Variants in DAB2IP observed in about 807,000 individuals in gnomAD.
DAB2IP encodes DAB2 interacting protein.
DAB2IP carries 28 observed loss-of-function variants against 107.2 expected under a neutral mutation model. The observed-to-expected ratio is 0.26, with a 90% CI of 0.19 to 0.36. The LOEUF (loss-of-function observed/expected upper bound fraction) is 0.36. DAB2IP is among the 10% of genes least tolerant of loss of function. The pLI, the probability that DAB2IP is intolerant of heterozygous loss-of-function variation, is 1.00. For synonymous variants in DAB2IP, 755 were observed against 706.4 expected (o/e 1.07, Z -1.09); for missense variants, 1,400 against 1,644.7 (o/e 0.85, Z 2.57).
At chr9:121,713,806 G>A (rs1187009116) in intron 3 of DAB2IP, among the ~76,000 whole-genome samples, 1 of 152,208 alleles carries the variant, frequency 6.6e-6, no homozygotes, top group African/African-American at 2.4e-5. Context: ...CATACACCAT[G>A]AAAGGTACTG....
intron 1 of DAB2IP, among the ~76,000 whole-genome samples, chr9:121,586,991 G>A (rs980299847): frequency 6.6e-6 from 1 of 152,220 alleles, no homozygotes; most frequent in East Asian, 1.9e-4. Flanking sequence ...CCCACTGGGT[G>A]CCAGGCAGTG....
At position 121,579,634 on chromosome 9, in the gene DAB2IP, C is replaced by T. The variant is rs780687211; in HGVS notation, c.40+12406C>T. On this transcript the variant is annotated intron_variant, in intron 1 of 16. Coordinates refer to the DAB2IP transcript ENST00000259371. ...TACCCTCCTCCTCTGTGCACCTGACCGGTTCTGCTCAGGGCTCTGGGGGCA... is the reference window on the plus strand; with the variant it reads ...TACCCTCCTCCTCTGTGCACCTGACTGGTTCTGCTCAGGGCTCTGGGGGCA... Among the ~76,000 whole-genome samples the T allele has an allele frequency of 6.6e-5, 10 of 152,132 alleles. 1 individual carries two copies. The highest frequency in any genetic ancestry group is 1.3e-4 in the Non-Finnish European group (9 of 68,028).
exon 9 of DAB2IP, chr9:121,766,689 C>G (rs778305110): frequency 2.5e-6 from 4 of 1,614,150 alleles, no homozygotes; most frequent in Non-Finnish European, 2.5e-6. Context: ...GCACCCTCAC[C>G]CTCATCGCCA....
intron 1 of DAB2IP, among the ~76,000 whole-genome samples, chr9:121,594,484 G>A (rs528503362): frequency 3.3e-5 from 5 of 152,198 alleles, no homozygotes; most frequent in African/African-American, 4.8e-5. Context: ...TGATCTACCC[G>A]CCTCGGCCTC....
At chr9:121,644,041 C>T (rs1217396518) in intron 1 of DAB2IP, among the ~76,000 whole-genome samples, 3 of 152,192 alleles carry the variant, frequency 2.0e-5, no homozygotes, top group Non-Finnish European at 2.9e-5. Context: ...TGGTGGCACA[C>T]ACGCCTGTAG....
intron 1 of DAB2IP, among the ~76,000 whole-genome samples, chr9:121,661,741 G>A (rs550235450): frequency 6.6e-6 from 1 of 152,320 alleles, no homozygotes; most frequent in East Asian, 1.9e-4. Flanking sequence ...CCAACACTTT[G>A]GGAGGCCAAG....
intron 11 of DAB2IP, among the ~76,000 whole-genome samples, 157 bp downstream of exon 11, chr9:121,770,881 A>C (rs540671659): frequency 1.8e-4 from 28 of 152,304 alleles, no homozygotes; most frequent in Non-Finnish European, 3.7e-4. Context: ...GTGAACCTCC[A>C]TTTGGGAAAA....
At chr9:121,580,791 A>AT (rs1375712558) in intron 1 of DAB2IP, among the ~76,000 whole-genome samples, 2 of 151,946 alleles carry the variant, frequency 1.3e-5, no homozygotes, top group Non-Finnish European at 2.9e-5. Context: ...CGCCCAGCTA[A>AT]TTTTTTTGTA....
exon 11 of DAB2IP, chr9:121,770,659 G>C: frequency 6.2e-7 from 1 of 1,614,160 alleles, no homozygotes; most frequent in Non-Finnish European, 8.5e-7. Context: ...CCTCCACACC[G>C]GGCTCTGGCA....
intron 1 of DAB2IP, among the ~76,000 whole-genome samples, chr9:121,583,109 C>T (rs560407156): frequency 5.3e-5 from 8 of 152,330 alleles, no homozygotes; most frequent in African/African-American, 1.9e-4. Context: ...AGAAGCTGGC[C>T]GGCCGCGGTG....
At chr9:121,693,167 G>T (rs543351342) in intron 2 of DAB2IP, among the ~76,000 whole-genome samples, 1 of 152,324 alleles carries the variant, frequency 6.6e-6, no homozygotes, top group South Asian at 2.1e-4. Context: ...AGGAGCAGGG[G>T]ACCCAGGTTC....
chr9:121,748,622 G>A (rs1187997012), intron 3 of DAB2IP, among the ~76,000 whole-genome samples: 1 of 152,238 alleles, frequency 6.6e-6, no homozygotes, highest in African/African-American at 2.4e-5. Context: ...GTTGGGAGAA[G>A]GCCATGAGAT....
chr9:121,672,979 C>G (rs1300813972), intron 1 of DAB2IP, among the ~76,000 whole-genome samples: 3 of 152,228 alleles, frequency 2.0e-5, no homozygotes, highest in African/African-American at 7.2e-5. Flanking sequence ...GCCTAGGACC[C>G]CGAGGCTGAA....
chr9:121,588,433 A>G (rs760135426), intron 1 of DAB2IP, among the ~76,000 whole-genome samples: 7 of 151,276 alleles, frequency 4.6e-5, no homozygotes, highest in Non-Finnish European at 1.0e-4. Context: ...CCTCATCCCA[A>G]CTGGGGTTCC....
chr9:121,755,614 G>A (rs1833423875), intron 3 of DAB2IP, among the ~76,000 whole-genome samples: 1 of 152,160 alleles, frequency 6.6e-6, no homozygotes, highest in Non-Finnish European at 1.5e-5. Context: ...GTTGGGGAGG[G>A]CTCTTATGCT....
upstream of DAB2IP, among the ~76,000 whole-genome samples, chr9:121,648,013 A>G (rs557936364): frequency 5.3e-5 from 8 of 152,232 alleles, no homozygotes; most frequent in African/African-American, 1.9e-4. Context: ...GGAAAACCAA[A>G]CATCATATAT....
intron 3 of DAB2IP, among the ~76,000 whole-genome samples, chr9:121,703,530 G>T (rs1231034109): frequency 1.3e-5 from 2 of 152,136 alleles, no homozygotes; most frequent in Non-Finnish European, 2.9e-5. Flanking sequence ...GTAACCTTTT[G>T]CAGCCTCAGT....
At chr9:121,727,989 A>G (rs1048887039) in intron 3 of DAB2IP, among the ~76,000 whole-genome samples, 2 of 152,202 alleles carry the variant, frequency 1.3e-5, no homozygotes, top group African/African-American at 2.4e-5. Flanking sequence ...AAAACAGTCC[A>G]GTTCAGCAAA....
intron 3 of DAB2IP, among the ~76,000 whole-genome samples, chr9:121,715,915 G>T (rs1172803181): frequency 6.6e-6 from 1 of 152,208 alleles, no homozygotes; most frequent in Non-Finnish European, 1.5e-5. Flanking sequence ...GGCAGCAGCA[G>T]ATAAGGAGAG....
Sources: allele counts gnomAD v4.1 joint callset (sites outside exome capture counted in the v4.1 genomes callset), GRCh38; gene constraint gnomAD v4.1.1; transcripts MANE v1.5; gene names NCBI Gene and HGNC (gene_info 2026-07-23, HGNC 2026-07-21).